The following DNM2 variants were observed in gnomAD, a reference collection of about 807,000 sequenced individuals.
DNM2 encodes dynamin 2.
Under a neutral mutation model 99.0 loss-of-function variants are expected in DNM2, and 15 were observed. That is an observed-to-expected ratio of 0.15 (90% CI 0.10 to 0.23). The LOEUF (loss-of-function observed/expected upper bound fraction) is 0.23. Ranked by LOEUF, DNM2 falls within the 10% of genes least tolerant of loss-of-function variation. The pLI is 1.00. For synonymous variants in DNM2, 525 were observed against 481.2 expected (o/e 1.09, Z -1.19); for missense variants, 742 against 1,189.4 (o/e 0.62, Z 5.53).
At position 10,775,991 on chromosome 19, in the gene DNM2, C is replaced by A; in HGVS notation, c.589+85C>A. 6.5e-7 allele frequency: 1 copy of A among 1,529,626 alleles called. No individual in the cohort carries two copies. The highest frequency in any genetic ancestry group is 8.9e-7 in the Non-Finnish European group (1 of 1,129,338). 94.8% of individuals were successfully genotyped at this position (1,529,626 alleles called of 1,614,324 possible). On this transcript the variant is annotated intron_variant, in intron 4 of 20. Transcript: ENST00000389253. The surrounding 1 kb of genome is among the most constrained non-coding windows in gnomAD (Gnocchi z 4.3). The stretch of plus-strand genomic sequence containing the variant: ...AGCATCCTTGGTTCCAAGTCACTGG[C>A]GTTCTCTTTAATCCATGGCCGCTGT...
At chr19:10,729,441 G>A (rs1319128145) in intron 1 of DNM2, among the ~76,000 whole-genome samples, 1 of 152,116 alleles carries the variant, frequency 6.6e-6, no homozygotes, top group Admixed American at 6.6e-5. Flanking sequence ...GGCTGCAGGG[G>A]GCTGCTTCAC....
rs181639572 is a variant in DNM2, at chr19:10,822,733, A to G, written c.1782-1055A>G. ...AGGCTGGTCTCAAACTCCTGACCTC[A>G]GTTGATCCTCCTGCCTCAGCTTCCC... On this transcript the variant is annotated intron_variant, in intron 16 of 20. Coordinates refer to ENST00000389253, the MANE Select transcript of DNM2 (RefSeq NM_001005361.3). 3.6e-4 allele frequency among the ~76,000 whole-genome samples: 54 copies of G among 151,940 alleles called. 1 individual carries two copies. The highest frequency in any genetic ancestry group is 1.3e-3 in the African/African-American group (53 of 41,520).
chr19:10,746,040 C>T (rs1367967351), intron 1 of DNM2, among the ~76,000 whole-genome samples: 2 of 152,196 alleles, frequency 1.3e-5, no homozygotes, highest in African/African-American at 4.8e-5. Context: ...CTCACTGCAA[C>T]CTCTGCCTCC....
At chr19:10,726,002 C>T (rs1482694419) in intron 1 of DNM2, among the ~76,000 whole-genome samples, 2 of 152,090 alleles carry the variant, frequency 1.3e-5, no homozygotes, top group East Asian at 1.9e-4. Flanking sequence ...GGGCGGATCA[C>T]GGGGTCAAGA....
At chr19:10,826,897 T>C (rs897282701) in intron 18 of DNM2, among the ~76,000 whole-genome samples, 1 of 151,404 alleles carries the variant, frequency 6.6e-6, no homozygotes, top group Non-Finnish European at 1.5e-5. Context: ...AAAAAAAAAG[T>C]GTCTTGGGTT....
At chr19:10,747,375 G>A (rs2070026898) in intron 1 of DNM2, among the ~76,000 whole-genome samples, 1 of 152,170 alleles carries the variant, frequency 6.6e-6, no homozygotes, top group Non-Finnish European at 1.5e-5. Context: ...GAGTCCCAGA[G>A]CCACGATCAC....
At chr19:10,802,383 G>A in intron 12 of DNM2, 25 bp downstream of exon 12, 1 of 1,613,042 alleles carries the variant, frequency 6.2e-7, no homozygotes, top group South Asian at 1.1e-5. Flanking sequence ...AGACTGGCTG[G>A]TCGGGCGGCA....
rs151183010 is a variant in DNM2 at position 10,765,620 on chromosome 19, C to T, written c.235+5809C>T. ...ACTGGGAGATATTTGCGTATTGCCT[C>T]GGATTAGAGAGAACTCAAGGGCTAA... On this transcript the variant is annotated intron_variant, in intron 2 of 20. Transcript: ENST00000389253. The surrounding 1 kb of genome is among the most constrained non-coding windows in gnomAD (Gnocchi z 4.4). Among the ~76,000 whole-genome samples the T allele has an allele frequency of 5.1e-4, 77 of 152,252 alleles. No homozygotes were observed. In the Middle Eastern group the frequency reaches 0.01, roughly 20 times the overall value.
chr19:10,817,301 C>T lies in DNM2; in HGVS notation c.1672-2679C>T. On this transcript the variant is annotated intron_variant, in intron 15 of 20. Transcript: ENST00000389253. The surrounding 1 kb of genome is among the most constrained non-coding windows in gnomAD (Gnocchi z 4.6). ...CTGCCTTTCCCCAGTGCCTCTTCTC[C>T]CACCCAGGCCCTCGAATCTTCTATG... The T allele has an allele frequency of 2.5e-6, 1 of 393,544 alleles. No individual in the cohort carries two copies. Among genetic ancestry groups the T allele is most frequent in the South Asian group, 1.8e-5 (1 of 54,822 alleles). The allele number at this position is 393,544 out of a possible 1,614,324, so 24.4% of individuals were successfully genotyped here. A position where few individuals can be genotyped will look rare whatever the true frequency, so the allele number is the denominator to read the frequency against.
chr19:10,807,539 CTT>C (rs763788862), intron 13 of DNM2, among the ~76,000 whole-genome samples: 1 of 91,218 alleles, frequency 1.1e-5, no homozygotes, highest in African/African-American at 4.6e-5. Flanking sequence ...CACGTCCAGC[CTT>C]TTTTTTTTTT....
At chr19:10,754,038 G>A (rs567963664) in intron 1 of DNM2, among the ~76,000 whole-genome samples, 47 of 152,220 alleles carry the variant, frequency 3.1e-4, no homozygotes, top group African/African-American at 8.7e-4. Flanking sequence ...TAGGTTGAAC[G>A]TAATTTATAT....
At chr19:10,753,497 A>G (rs945373411) in intron 1 of DNM2, among the ~76,000 whole-genome samples, 4 of 146,222 alleles carry the variant, frequency 2.7e-5, no homozygotes, top group African/African-American at 5.1e-5. Context: ...AAAACTGATC[A>G]CTACAAACCT....
rs1356723329 is a variant in DNM2 at position 10,765,183 on chromosome 19, C to A, written c.235+5372C>A. Among the ~76,000 whole-genome samples the A allele has an allele frequency of 6.6e-6, 1 of 152,168 alleles. No homozygotes were observed. Among genetic ancestry groups the A allele is most frequent in the Non-Finnish European group, 1.5e-5 (1 of 68,038 alleles). On this transcript the variant is annotated intron_variant, in intron 2 of 20. Coordinates refer to ENST00000389253, the MANE Select transcript of DNM2 (RefSeq NM_001005361.3). This position sits in a 1 kb window ranked among gnomAD's most constrained non-coding sequence, Gnocchi z 4.4. ...CCGTGTTAGCCAGGATGGTCTCGAT[C>A]TCCTGACCTCGTGATCCGCCCACCT... is the stretch of plus-strand genomic sequence containing the variant.
intron 2 of DNM2, among the ~76,000 whole-genome samples, chr19:10,760,461 C>A (rs898839539): frequency 1.3e-5 from 2 of 152,048 alleles, no homozygotes; most frequent in African/African-American, 4.8e-5. Context: ...GCAATAAAGA[C>A]GCCTGTCTAC....
intron 1 of DNM2, among the ~76,000 whole-genome samples, chr19:10,746,010 G>A (rs973967820): frequency 5.9e-5 from 9 of 152,224 alleles, no homozygotes; most frequent in Non-Finnish European, 1.3e-4. Context: ...CTATGCTGGA[G>A]TGCAGTGGCA....
chr19:10,776,773 AG>A (rs2071170788), intron 4 of DNM2, among the ~76,000 whole-genome samples: 1 of 152,236 alleles, frequency 6.6e-6, no homozygotes, highest in Non-Finnish European at 1.5e-5. Context: ...GCACTTGGAA[AG>A]TCCAGCATCA....
At chr19:10,815,516 C>G (rs920052013) in intron 15 of DNM2, among the ~76,000 whole-genome samples, 1 of 152,198 alleles carries the variant, frequency 6.6e-6, no homozygotes, top group African/African-American at 2.4e-5. Flanking sequence ...CTGTGCCTGG[C>G]TCACTGCATG....
intron 1 of DNM2, among the ~76,000 whole-genome samples, chr19:10,739,167 C>A (rs376670588): frequency 6.6e-6 from 1 of 152,024 alleles, no homozygotes; most frequent in African/African-American, 2.4e-5. Flanking sequence ...AGCGAGACTC[C>A]GTCTCAAAAA....
intron 12 of DNM2, among the ~76,000 whole-genome samples, chr19:10,805,646 G>A (rs752876341): frequency 2.0e-5 from 3 of 152,082 alleles, no homozygotes; most frequent in Non-Finnish European, 2.9e-5. Flanking sequence ...TAGAAACTCC[G>A]GGATTCTAGT....
Sources: allele counts gnomAD v4.1 joint callset (sites outside exome capture counted in the v4.1 genomes callset), GRCh38; gene constraint gnomAD v4.1.1; non-coding constraint Gnocchi (gnomAD v3.1); transcripts MANE v1.5; gene names NCBI Gene and HGNC (gene_info 2026-07-23, HGNC 2026-07-21).